DAB1: variants seen among roughly 807,000 people sequenced by gnomAD.
DAB1 encodes the protein DAB adaptor protein 1.
Under a neutral mutation model 64.6 loss-of-function variants are expected in DAB1, and 15 were observed. The observed-to-expected ratio is 0.23, with a 90% CI of 0.16 to 0.36. The LOEUF (loss-of-function observed/expected upper bound fraction) is 0.36, where lower values mean the gene tolerates loss of function less well. Ranked by LOEUF, DAB1 falls within the 10% of genes least tolerant of loss-of-function variation. The pLI, the probability that DAB1 is intolerant of heterozygous loss-of-function variation, is 1.00. For synonymous variants in DAB1, 235 were observed against 251.9 expected (o/e 0.93, Z 0.64); for missense variants, 596 against 706.7 (o/e 0.84, Z 1.78).
At chr1:58,424,389 T>C (rs778961264) in intron 3 of DAB1, among the ~76,000 whole-genome samples, 41 of 152,292 alleles carry the variant, frequency 2.7e-4, no homozygotes, top group Admixed American at 4.6e-4. Flanking sequence ...CAACCAGTTA[T>C]CTGGGCATCC....
At chr1:58,009,102 T>C (rs1646630966) in intron 5 of DAB1, among the ~76,000 whole-genome samples, 2 of 152,004 alleles carry the variant, frequency 1.3e-5, no homozygotes, top group African/African-American at 4.8e-5. Context: ...GCCCAAAAAT[T>C]TACAAAAATA....
chr1:57,935,408 T>C (rs753636504), intron 5 of DAB1, among the ~76,000 whole-genome samples: 11 of 152,328 alleles, frequency 7.2e-5, no homozygotes, highest in Non-Finnish European at 1.6e-4. Flanking sequence ...GATCTGGTGT[T>C]CAATAAATGT....
intron 2 of DAB1, among the ~76,000 whole-genome samples, chr1:57,155,728 T>C (rs1047459969): frequency 1.3e-5 from 2 of 150,986 alleles, no homozygotes; most frequent in Non-Finnish European, 1.5e-5. Flanking sequence ...ATCAGTGTTT[T>C]ACAGTTTTCA....
At position 58,423,540 on chromosome 1, in the gene DAB1, C is replaced by T. The variant is rs545640201; in HGVS notation, n.258-80137G>A. 1.3e-5 allele frequency among the ~76,000 whole-genome samples: 2 copies of T among 152,334 alleles called. 1 individual carries two copies. Among genetic ancestry groups the T allele is most frequent in the South Asian group, 4.1e-4 (2 of 4,822 alleles). On this transcript the variant is annotated intron_variant and non_coding_transcript_variant, in intron 3 of 20. Transcript: ENST00000485760. Reference sequence around the variant, plus strand: ...CTGCCATTTCTGCCATGAGGCCGACCTCCAAGCAGAGCAGCACCAGGGTTC... The same window carrying T: ...CTGCCATTTCTGCCATGAGGCCGACTTCCAAGCAGAGCAGCACCAGGGTTC...
intron 4 of DAB1, among the ~76,000 whole-genome samples, chr1:57,109,161 C>T (rs1655429648): frequency 6.6e-6 from 1 of 152,164 alleles, no homozygotes; most frequent in Admixed American, 6.6e-5. Flanking sequence ...TCTAGGGGGC[C>T]TCTTTGGAGA....
chr1:57,257,077 G>A (rs1339701246), intron 2 of DAB1, among the ~76,000 whole-genome samples: 2 of 152,210 alleles, frequency 1.3e-5, no homozygotes. Context: ...GGGATCAAGA[G>A]TCTTCAGGAT....
In DAB1 at chr1:57,991,864, A is replaced by AAAAAC. The variant is rs1553151273; in HGVS notation, n.388-107703_388-107702insGTTTT. Among the ~76,000 whole-genome samples, 219 of 149,950 alleles carry AAAAAC rather than the reference A, an allele frequency of 1.5e-3. 1 individual carries two copies. The highest frequency in any genetic ancestry group is 5.1e-3 in the African/African-American group (206 of 40,478). ...CTGTCTCAAAAAAAAAAAAAAAAAA[A>AAAAAC]AAAAAGGAGTAGGCCAGAGAACGCT... On this transcript the variant is annotated intron_variant and non_coding_transcript_variant, in intron 5 of 20. Coordinates refer to the DAB1 transcript ENST00000485760.
intron 1 of DAB1, among the ~76,000 whole-genome samples, chr1:57,319,468 G>A (rs116363316): frequency 0.014 from 2,190 of 152,226 alleles, 43 homozygotes; most frequent in African/African-American, 0.042. Flanking sequence ...AAGGCATCTT[G>A]AAGGTCCTTG....
rs999329119 is a variant in DAB1, at chr1:57,193,381, G to GTTTTTTTTTTTT, written c.68-47964_68-47953dup. 8.9e-4 allele frequency among the ~76,000 whole-genome samples: 74 copies of GTTTTTTTTTTTT among 83,072 alleles called. 18 individuals are homozygous for GTTTTTTTTTTTT. Among genetic ancestry groups the GTTTTTTTTTTTT allele is most frequent in the Middle Eastern group, 0.016 (1 of 64 alleles). The allele number at this position is 83,072 out of a possible 152,430, so 54.5% of individuals were successfully genotyped here. Reference sequence around the variant, plus strand: ...CCTTCCAGATTCATCCGTAGCATATGTTTTTTTTTTTTTTTTTTTTTTTGA... The same window carrying GTTTTTTTTTTTT: ...CCTTCCAGATTCATCCGTAGCATATGTTTTTTTTTTTTTTTTTTTTTTTTTTTTTTTTTTTGA... On this transcript the variant is annotated intron_variant, in intron 2 of 14. Transcript: ENST00000371236.
At chr1:57,412,192 T>C (rs967096074) in intron 1 of DAB1, among the ~76,000 whole-genome samples, 1 of 152,190 alleles carries the variant, frequency 6.6e-6, no homozygotes, top group African/African-American at 2.4e-5. Flanking sequence ...TTCTAACTGC[T>C]CCACTGACTG....
In DAB1 at chr1:57,566,686, T is replaced by C. The variant is rs1290153862; in HGVS notation, n.625+82906A>G. On this transcript the variant is annotated intron_variant and non_coding_transcript_variant, in intron 7 of 20. Transcript: ENST00000485760. ...AACTAGAAAATCTAGAAGAAATGGA[T>C]AAATTCCTGGACACATACACCCTCC... Among the ~76,000 whole-genome samples, 7 of 152,156 alleles carry C rather than the reference T, an allele frequency of 4.6e-5. No individual in the cohort carries two copies. The East Asian group carries it at 9.7e-4, about 21-fold the overall frequency.
intron 4 of DAB1, among the ~76,000 whole-genome samples, chr1:57,077,749 T>A (rs1183301745): frequency 6.6e-6 from 1 of 151,800 alleles, no homozygotes; most frequent in Non-Finnish European, 1.5e-5. Flanking sequence ...CAGTATGGAT[T>A]AGAAAGTCAT....
At chr1:57,347,987 A>C (rs1235587777) in intron 1 of DAB1, among the ~76,000 whole-genome samples, 2 of 152,190 alleles carry the variant, frequency 1.3e-5, no homozygotes, top group Non-Finnish European at 2.9e-5. Context: ...CCTCAAGAAA[A>C]TGAATTAAAC....
At chr1:57,072,789 C>T (rs1205054286) in intron 4 of DAB1, among the ~76,000 whole-genome samples, 7 of 152,168 alleles carry the variant, frequency 4.6e-5, no homozygotes, top group Non-Finnish European at 7.3e-5. Context: ...ACTCGGGGAC[C>T]GTGTGTGCTG....
At chr1:57,314,144 G>A (rs72905477) in intron 1 of DAB1, among the ~76,000 whole-genome samples, 2,523 of 152,212 alleles carry the variant, frequency 0.017, 78 homozygotes, top group African/African-American at 0.057. Context: ...TGTTCCCTAC[G>A]CAATTTACTC....
chr1:58,539,815 C>T (rs1646576228), intron 1 of DAB1, among the ~76,000 whole-genome samples: 1 of 152,160 alleles, frequency 6.6e-6, no homozygotes, highest in African/African-American at 2.4e-5. Context: ...ACAATGCAGA[C>T]AGGGTAAACC....
At chr1:58,311,091 T>C (rs573444445) in intron 4 of DAB1, among the ~76,000 whole-genome samples, 1 of 152,220 alleles carries the variant, frequency 6.6e-6, no homozygotes, top group East Asian at 1.9e-4. Flanking sequence ...CAATTCTTCA[T>C]ATCTGATCAA....
intron 7 of DAB1, among the ~76,000 whole-genome samples, chr1:57,593,748 T>G (rs1178242881): frequency 3.9e-5 from 6 of 152,212 alleles, no homozygotes; most frequent in Non-Finnish European, 1.5e-5. Context: ...GTTCCATCAG[T>G]GGACACTCTG....
At chr1:57,641,540 C>T (rs936832914) in intron 7 of DAB1, among the ~76,000 whole-genome samples, 4 of 151,838 alleles carry the variant, frequency 2.6e-5, no homozygotes, top group African/African-American at 4.8e-5. Flanking sequence ...CCCGCCACTA[C>T]GCCTGGCTAA....
Sources: gnomAD v4.1 joint callset for allele counts (sites outside exome capture counted in the v4.1 genomes callset) on GRCh38, gnomAD v4.1.1 for gene constraint, MANE v1.5 for transcripts, NCBI Gene and HGNC (gene_info 2026-07-23, HGNC 2026-07-21) for gene names.